The following MAP3K15 variants were observed in gnomAD, a reference collection of about 807,000 sequenced individuals.
MAP3K15 encodes mitogen-activated protein kinase kinase kinase 15.
MAP3K15 carries 124 observed loss-of-function variants against 99.5 expected under a neutral mutation model. The observed-to-expected ratio is 1.25, with a 90% CI of 1.08 to 1.45. The LOEUF is 1.45. Ranked by LOEUF, MAP3K15 falls within the 40% of genes most tolerant of loss-of-function variation. The pLI is 0.00. For synonymous variants in MAP3K15, 494 were observed against 439.6 expected (o/e 1.12, Z -1.55); for missense variants, 1,242 against 1,079.7 (o/e 1.15, Z -2.11).
At chrX:19,503,288 G>C (rs761470762) in intron 1 of MAP3K15, among the ~76,000 whole-genome samples, 4 of 107,969 alleles carry the variant, frequency 3.7e-5, no homozygotes, top group Non-Finnish European at 7.8e-5. Context: ...TGTGTAGATG[G>C]CATGCAAAAC....
At chrX:19,444,688 C>A (rs897299919) in intron 6 of MAP3K15, among the ~76,000 whole-genome samples, 11 of 111,791 alleles carry the variant, frequency 9.8e-5, no homozygotes, top group African/African-American at 3.6e-4. Context: ...AAATTAAATT[C>A]TCCCCAGAAT....
intron 3 of MAP3K15, among the ~76,000 whole-genome samples, chrX:19,474,510 T>TGGCCGGGCGCGG (rs1569236836): frequency 1.1e-5 from 1 of 87,133 alleles, no homozygotes; most frequent in African/African-American, 4.3e-5. Flanking sequence ...GGACTAGGAG[T>TGGCCGGGCGCGG]TCTAAACCTG....
rs369590107 is a variant in MAP3K15, at chrX:19,431,424, G to T, written c.1166+14C>A. On this transcript the variant is annotated intron_variant, in intron 7 of 28. Transcript: ENST00000338883. ...AAGAGATGCAAGTGCTCATAACTCGGGCTGAGGGTTTACCACTCAATGGCG... is the reference window on the plus strand; with the variant it reads ...AAGAGATGCAAGTGCTCATAACTCGTGCTGAGGGTTTACCACTCAATGGCG... 5.6e-4 allele frequency: 673 copies of T among 1,194,552 alleles called. 3 individuals are homozygous for T. Among genetic ancestry groups the T allele is most frequent in the Middle Eastern group, 4.2e-3 (18 of 4,248 alleles).
At chrX:19,499,130 C>A (rs771738372) in intron 1 of MAP3K15, among the ~76,000 whole-genome samples, 6 of 111,718 alleles carry the variant, frequency 5.4e-5, no homozygotes, top group Admixed American at 1.9e-4. Flanking sequence ...AGAATGGACA[C>A]CTCACAAAGG....
At chrX:19,469,329 G>T (rs1458332298) in intron 3 of MAP3K15, among the ~76,000 whole-genome samples, 1 of 111,842 alleles carries the variant, frequency 8.9e-6, no homozygotes, top group East Asian at 2.8e-4. Context: ...AATGGTGCTG[G>T]GAAAACTGGC....
intron 16 of MAP3K15, among the ~76,000 whole-genome samples, chrX:19,393,242 T>C (rs1475112947): frequency 9.0e-6 from 1 of 111,490 alleles, no homozygotes; most frequent in Admixed American, 9.6e-5. Flanking sequence ...TGATCTACCT[T>C]GGTTTCCCCA....
At chrX:19,420,198 C>T (rs1173322800) in intron 9 of MAP3K15, among the ~76,000 whole-genome samples, 7 of 111,250 alleles carry the variant, frequency 6.3e-5, no homozygotes, top group Non-Finnish European at 1.1e-4. Context: ...CAGAGCAGAA[C>T]TGAAGGAAAT....
At chrX:19,457,697 C>T (rs1389732324) in intron 5 of MAP3K15, among the ~76,000 whole-genome samples, 1 of 112,201 alleles carries the variant, frequency 8.9e-6, no homozygotes, top group Non-Finnish European at 1.9e-5. Flanking sequence ...AAGCAAACTT[C>T]CAGTCAAAGC....
intron 18 of MAP3K15, among the ~76,000 whole-genome samples, chrX:19,389,930 C>T (rs1036972594): frequency 9.8e-5 from 11 of 112,046 alleles, no homozygotes; most frequent in Admixed American, 3.8e-4. Context: ...CAGATGTATA[C>T]GTATATTTAT....
chrX:19,489,268 T>TTA (rs763046618), intron 1 of MAP3K15, among the ~76,000 whole-genome samples: 12 of 111,395 alleles, frequency 1.1e-4, no homozygotes, highest in African/African-American at 3.6e-4. Flanking sequence ...TATATTTAGC[T>TTA]TATATATGAG....
At chrX:19,473,252 C>T (rs2064219557) in intron 3 of MAP3K15, among the ~76,000 whole-genome samples, 1 of 112,084 alleles carries the variant, frequency 8.9e-6, no homozygotes, top group Non-Finnish European at 1.9e-5. Context: ...CTAACAACTA[C>T]ATTTTAAAAA....
At chrX:19,454,097 T>C (rs2064075657) in intron 6 of MAP3K15, among the ~76,000 whole-genome samples, 1 of 111,268 alleles carries the variant, frequency 9.0e-6, no homozygotes, top group Non-Finnish European at 1.9e-5. Flanking sequence ...CTCCCCTTAT[T>C]TACAGAACGA....
intron 19 of MAP3K15, chrX:19,376,965 C>A (rs893718983): frequency 9.0e-6 from 1 of 111,504 alleles, no homozygotes; most frequent in Non-Finnish European, 1.9e-5. Context: ...AACCCATTTT[C>A]ATTTGATTTT....
chrX:19,434,440 G>A (rs2063907474), intron 6 of MAP3K15, among the ~76,000 whole-genome samples: 1 of 103,738 alleles, frequency 9.6e-6, no homozygotes, highest in African/African-American at 3.5e-5. Context: ...GTTTAACCAT[G>A]TTGGCCAGGC....
Position 19,392,485 on chromosome X carries a change from C to A in MAP3K15, c.2195-12G>T, listed in dbSNP as rs1482640057. The A allele has an allele frequency of 1.7e-6, 2 of 1,197,450 alleles. No homozygotes were observed. The highest frequency in any genetic ancestry group is 1.8e-5 in the South Asian group (1 of 54,357). On this transcript the variant is annotated splice_polypyrimidine_tract_variant and intron_variant, in intron 16 of 28. Transcript: ENST00000338883. ...AGCAGAAAGGCTTCCTAGAGACAGT[C>A]ACAGCAAAAAACTTATCAGGAAGAG... is the stretch of plus-strand genomic sequence containing the variant.
chrX:19,365,673 T>C (rs191090164), intron 25 of MAP3K15, among the ~76,000 whole-genome samples: 1 of 111,852 alleles, frequency 8.9e-6, no homozygotes, highest in East Asian at 2.8e-4. Flanking sequence ...ATATGATCCA[T>C]GCTGGTGAAC....
chrX:19,436,406 G>T (rs1014040462), intron 6 of MAP3K15, among the ~76,000 whole-genome samples: 1 of 110,702 alleles, frequency 9.0e-6, no homozygotes, highest in African/African-American at 3.3e-5. Flanking sequence ...ACACTCGCCC[G>T]ATTTTCTCCT....
At chrX:19,451,761 T>C (rs1049815911) in intron 6 of MAP3K15, among the ~76,000 whole-genome samples, 2 of 110,379 alleles carry the variant, frequency 1.8e-5, no homozygotes, top group Non-Finnish European at 3.8e-5. Flanking sequence ...AATTTACAGA[T>C]TCCTCAAAAA....
intron 3 of MAP3K15, among the ~76,000 whole-genome samples, chrX:19,472,326 G>T (rs186064437): frequency 8.9e-4 from 99 of 110,655 alleles, no homozygotes; most frequent in African/African-American, 2.8e-3. Context: ...GAATTCACGT[G>T]ATAAAAAACA....
Sources: allele counts gnomAD v4.1 joint callset (sites outside exome capture counted in the v4.1 genomes callset), GRCh38; gene constraint gnomAD v4.1.1; transcripts MANE v1.5; gene names NCBI Gene and HGNC (gene_info 2026-07-23, HGNC 2026-07-21).